CTNNA2: variants seen among roughly 807,000 people sequenced by gnomAD.
CTNNA2 encodes catenin alpha 2.
CTNNA2 carries 42 observed loss-of-function variants against 101.0 expected under a neutral mutation model. The observed-to-expected ratio is 0.42, with a 90% CI of 0.32 to 0.54. CTNNA2 has a LOEUF of 0.54. Among genes scored for constraint, CTNNA2 ranks in the 20% least tolerant of loss-of-function variants. The probability of loss-of-function intolerance (pLI) is 0.14; values close to 1 mark genes in which losing one functional copy is unlikely to be tolerated. For missense variants in CTNNA2, 871 were observed against 1,223.1 expected (o/e 0.71, Z 4.29); for synonymous variants, 450 against 456.4 (o/e 0.99, Z 0.18).
intron 7 of CTNNA2, among the ~76,000 whole-genome samples, chr2:80,096,141 A>G (rs1700135475): frequency 6.6e-6 from 1 of 151,948 alleles, no homozygotes; most frequent in African/African-American, 2.4e-5. Context: ...GTGGGCATTT[A>G]GTGCTATAAA....
intron 1 of CTNNA2, among the ~76,000 whole-genome samples, chr2:79,611,734 T>A (rs963038690): frequency 6.6e-6 from 1 of 152,158 alleles, no homozygotes. Flanking sequence ...TAGTCTCTTT[T>A]TTAGTCATCT....
chr2:80,133,893 G>C (rs925556792), intron 7 of CTNNA2, among the ~76,000 whole-genome samples: 1 of 152,158 alleles, frequency 6.6e-6, no homozygotes, highest in Non-Finnish European at 1.5e-5. Flanking sequence ...ACTGAATTGT[G>C]ATAGTTGAGA....
chr2:80,347,158 G>T lies in CTNNA2; in HGVS notation c.1057-46053G>T, dbSNP rs773699701. 2.0e-5 allele frequency among the ~76,000 whole-genome samples: 3 copies of T among 152,182 alleles called. No individual in the cohort carries two copies. The East Asian group carries it at 5.8e-4, about 29-fold the overall frequency. On this transcript the variant is annotated intron_variant, in intron 7 of 18. Coordinates refer to ENST00000402739, the MANE Select transcript of CTNNA2 (RefSeq NM_001282597.3). Reference sequence around the variant, plus strand: ...CGAGCACCGCAGTGGCAGATTCAGCGCTCTGCCCCTACTAGGCTGACACCT... The same window carrying T: ...CGAGCACCGCAGTGGCAGATTCAGCTCTCTGCCCCTACTAGGCTGACACCT...
At chr2:79,467,658 A>G (rs1267696184) in intron 4 of CTNNA2, among the ~76,000 whole-genome samples, 2 of 152,238 alleles carry the variant, frequency 1.3e-5, no homozygotes, top group African/African-American at 2.4e-5. Flanking sequence ...AGGGAAGCCT[A>G]TCAGACTAAG....
At chr2:79,238,212 T>C (rs568570236) in intron 2 of CTNNA2, among the ~76,000 whole-genome samples, 2 of 152,098 alleles carry the variant, frequency 1.3e-5, no homozygotes, top group Non-Finnish European at 2.9e-5. Context: ...TCTTAGAGAA[T>C]AGGGAGGCCA....
intron 3 of CTNNA2, among the ~76,000 whole-genome samples, chr2:79,332,607 G>T (rs1676900106): frequency 6.6e-6 from 1 of 152,224 alleles, no homozygotes; most frequent in African/African-American, 2.4e-5. Context: ...AGCATGTCAT[G>T]TAGAAACATA....
intron 9 of CTNNA2, among the ~76,000 whole-genome samples, chr2:80,464,222 A>C (rs1684674243): frequency 1.3e-5 from 2 of 152,176 alleles, no homozygotes; most frequent in Admixed American, 1.3e-4. Context: ...AACCAGAAGA[A>C]AGAACTGTCT....
At chr2:80,337,988 A>G (rs964687290) in intron 7 of CTNNA2, among the ~76,000 whole-genome samples, 3 of 150,276 alleles carry the variant, frequency 2.0e-5, no homozygotes, top group African/African-American at 4.9e-5. Context: ...AATGTAGTTT[A>G]CTTTTCTTTT....
At position 79,650,658 on chromosome 2, in the gene CTNNA2, C is replaced by T. The variant is rs535761872; in HGVS notation, c.-5-894C>T. Among the ~76,000 whole-genome samples the T allele has an allele frequency of 8.2e-3, 1,229 of 149,892 alleles. 26 individuals are homozygous for T. The highest frequency in any genetic ancestry group is 0.027 in the African/African-American group (1,115 of 40,634). On this transcript the variant is annotated intron_variant, in intron 1 of 18. Coordinates refer to ENST00000402739, the MANE Select transcript of CTNNA2 (RefSeq NM_001282597.3). ...AAATGTATTTATTTTTATTATACTT[C>T]AAGTTTTAGGGTACATGTGCACATT...
intron 7 of CTNNA2, among the ~76,000 whole-genome samples, chr2:80,078,315 G>A (rs1203979764): frequency 6.6e-6 from 1 of 152,160 alleles, no homozygotes; most frequent in African/African-American, 2.4e-5. Flanking sequence ...GTGTGCGGGA[G>A]AGGGGCATTT....
intron 2 of CTNNA2, among the ~76,000 whole-genome samples, chr2:79,653,654 A>AT (rs1341037884): frequency 6.6e-6 from 1 of 152,102 alleles, no homozygotes; most frequent in Non-Finnish European, 1.5e-5. Flanking sequence ...ACGTCTCCTA[A>AT]TTTTAGCCTT....
At chr2:80,223,953 G>A (rs1965834) in intron 7 of CTNNA2, among the ~76,000 whole-genome samples, 29,625 of 152,038 alleles carry the variant, frequency 0.19, 4,045 homozygotes, top group African/African-American at 0.38. Flanking sequence ...GACATATAAG[G>A]AGTTAAGAAG....
intron 4 of CTNNA2, among the ~76,000 whole-genome samples, chr2:79,420,110 A>G (rs1195998796): frequency 6.6e-6 from 1 of 152,146 alleles, no homozygotes; most frequent in East Asian, 1.9e-4. Flanking sequence ...TCGCTGGCCT[A>G]GTGCTCAGCC....
At chr2:80,519,049 G>A (rs1233294424) in intron 9 of CTNNA2, among the ~76,000 whole-genome samples, 2 of 152,148 alleles carry the variant, frequency 1.3e-5, no homozygotes, top group African/African-American at 4.8e-5. Flanking sequence ...TCATGGGGCA[G>A]TGAAAAATAT....
At chr2:79,469,714 G>C (rs1371573144) in intron 4 of CTNNA2, among the ~76,000 whole-genome samples, 1 of 152,130 alleles carries the variant, frequency 6.6e-6, no homozygotes, top group East Asian at 1.9e-4. Flanking sequence ...GGGATGCAAG[G>C]CTGGTTCAAC....
intron 3 of CTNNA2, among the ~76,000 whole-genome samples, chr2:79,343,174 C>T (rs1677177623): frequency 6.6e-6 from 1 of 151,686 alleles, no homozygotes; most frequent in Admixed American, 6.6e-5. Flanking sequence ...AACCATATTG[C>T]CTTAACAGTC....
At position 79,742,327 on chromosome 2, in the gene CTNNA2, AT is replaced by A. The variant is rs935248666; in HGVS notation, c.103-2051del. On this transcript the variant is annotated intron_variant, in intron 2 of 18. Transcript: ENST00000402739. Reference sequence around the variant, plus strand: ...AAAATTAATAGCTCCTCTCCACCCTATTTTTTTTTAATTTGTGAAGTCTAAA... The same window carrying A: ...AAAATTAATAGCTCCTCTCCACCCTATTTTTTTTAATTTGTGAAGTCTAAA... 4.0e-5 allele frequency among the ~76,000 whole-genome samples: 6 copies of A among 150,648 alleles called. No individual in the cohort carries two copies. The East Asian group carries it at 5.8e-4, about 15-fold the overall frequency.
At chr2:80,591,240 T>C (rs1043406146) in intron 15 of CTNNA2, among the ~76,000 whole-genome samples, 9 of 152,242 alleles carry the variant, frequency 5.9e-5, no homozygotes, top group Non-Finnish European at 1.0e-4. Context: ...TTCAGTTTCA[T>C]AGGGATTTCA....
chr2:80,590,389 T>C (rs1312932301), intron 15 of CTNNA2, among the ~76,000 whole-genome samples: 2 of 152,222 alleles, frequency 1.3e-5, no homozygotes, highest in East Asian at 1.9e-4. Context: ...AATGCAAGTA[T>C]AAATTATGCT....
Sources: allele counts gnomAD v4.1 joint callset (sites outside exome capture counted in the v4.1 genomes callset), GRCh38; gene constraint gnomAD v4.1.1; transcripts MANE v1.5; gene names NCBI Gene and HGNC (gene_info 2026-07-23, HGNC 2026-07-21).